Variants in ZNF143 observed in about 807,000 individuals in gnomAD.
ZNF143 encodes zinc finger protein 143.
In ZNF143, 49 loss-of-function variants were observed where a neutral mutation model predicts 74.1. The ratio of observed to expected loss-of-function variants is 0.66; its 90% CI spans 0.53 to 0.84. ZNF143 has a LOEUF of 0.84. Among genes scored for constraint, ZNF143 ranks in the 40% least tolerant of loss-of-function variants. ZNF143 has a pLI of 0.00. For synonymous variants in ZNF143, 304 were observed against 282.8 expected (o/e 1.07, Z -0.75); for missense variants, 637 against 793.4 (o/e 0.80, Z 2.37).
intron 5 of ZNF143, 123 bp downstream of exon 5, chr11:9,474,756 C>T (rs960770634): frequency 3.9e-6 from 4 of 1,036,816 alleles, no homozygotes; most frequent in Non-Finnish European, 5.6e-6. Context: ...CATTAAAGTA[C>T]AAGGTGGCAG....
At chr11:9,484,800 A>ATTTTTTTTT (rs1381085964) in intron 7 of ZNF143, among the ~76,000 whole-genome samples, 911 of 66,962 alleles carry the variant, frequency 0.014, 184 homozygotes, top group African/African-American at 0.059. Flanking sequence ...CTGGCCAAAG[A>ATTTTTTTTT]TTTTTTTTTT....
intron 5 of ZNF143, among the ~76,000 whole-genome samples, chr11:9,476,384 T>G (rs374397738): frequency 3.9e-5 from 6 of 152,160 alleles, no homozygotes; most frequent in Middle Eastern, 3.4e-3. Flanking sequence ...ATTAATTAAT[T>G]TATTATTTTG....
intron 11 of ZNF143, among the ~76,000 whole-genome samples, 181 bp from the exon 12 acceptor site, chr11:9,508,438 C>T (rs1406962826): frequency 6.6e-6 from 1 of 152,158 alleles, no homozygotes; most frequent in Non-Finnish European, 1.5e-5. Context: ...ATCATACTAC[C>T]TTTTGAGTCA....
chr11:9,484,605 G>GT lies in ZNF143; in HGVS notation c.645+5072dup, dbSNP rs35344229. Among the ~76,000 whole-genome samples, 899 of 135,462 alleles carry GT rather than the reference G, an allele frequency of 6.6e-3. 16 individuals are homozygous for GT. The highest frequency in any genetic ancestry group is 0.043 in the South Asian group (187 of 4,316). 88.9% of individuals were successfully genotyped at this position (135,462 alleles called of 152,430 possible). On this transcript the variant is annotated intron_variant, in intron 7 of 15. Coordinates refer to ENST00000396602, the MANE Select transcript of ZNF143 (RefSeq NM_003442.6). ...GTTATCTTAGGGGCAAAAGTTTGGTGTTTTTTTTTTTTTGTTTATTTTTTG... is the reference window on the plus strand; with the variant it reads ...GTTATCTTAGGGGCAAAAGTTTGGTGTTTTTTTTTTTTTTGTTTATTTTTTG...
At chr11:9,477,515 A>G (rs1443785753) in intron 5 of ZNF143, among the ~76,000 whole-genome samples, 1 of 152,148 alleles carries the variant, frequency 6.6e-6, no homozygotes, top group African/African-American at 2.4e-5. Context: ...TTGGCCTCCC[A>G]AAGTGTTGGG....
At chr11:9,503,963 T>TC (rs1308182937) in intron 11 of ZNF143, among the ~76,000 whole-genome samples, 5 of 131,912 alleles carry the variant, frequency 3.8e-5, no homozygotes, top group African/African-American at 1.4e-4. Context: ...TTTTTTTTTT[T>TC]TTTTTTTTTT....
chr11:9,490,291 T>TGA (rs1847720968), intron 7 of ZNF143, among the ~76,000 whole-genome samples: 1 of 134,792 alleles, frequency 7.4e-6, no homozygotes, highest in African/African-American at 2.8e-5. Context: ...TTTTTTTTTT[T>TGA]TGCTTTTTTT....
chr11:9,520,670 T>C (rs1186841183), intron 14 of ZNF143, among the ~76,000 whole-genome samples: 1 of 152,116 alleles, frequency 6.6e-6, no homozygotes, highest in African/African-American at 2.4e-5. Flanking sequence ...GCACCTTTAG[T>C]CCCAGCTACT....
intron 1 of ZNF143, among the ~76,000 whole-genome samples, chr11:9,465,082 G>A (rs1030321056): frequency 1.3e-5 from 2 of 152,156 alleles, no homozygotes; most frequent in African/African-American, 4.8e-5. Context: ...TAATTACAAT[G>A]CTGTAAAAAT....
intron 9 of ZNF143, among the ~76,000 whole-genome samples, chr11:9,496,980 C>T (rs536005178): frequency 6.6e-6 from 1 of 152,314 alleles, no homozygotes; most frequent in African/African-American, 2.4e-5. Flanking sequence ...TAAAGGCTGT[C>T]ATAGACTCTA....
intron 5 of ZNF143, among the ~76,000 whole-genome samples, chr11:9,475,662 A>G (rs563253627): frequency 1.3e-5 from 2 of 152,130 alleles, no homozygotes; most frequent in Non-Finnish European, 2.9e-5. Context: ...AGGCCGATGC[A>G]GGCGGATCAC....
chr11:9,471,207 T>G (rs1055331012), intron 1 of ZNF143, 95 bp from the exon 2 acceptor site: 2 of 1,034,908 alleles, frequency 1.9e-6, no homozygotes, highest in African/African-American at 3.2e-5. Flanking sequence ...CACCATTACA[T>G]CCTCAGCAGC....
intron 15 of ZNF143, among the ~76,000 whole-genome samples, chr11:9,527,011 G>A (rs1030541697): frequency 5.3e-5 from 8 of 152,030 alleles, no homozygotes; most frequent in Admixed American, 2.0e-4. Context: ...GTATTTTTTA[G>A]TAGAAATGAA....
chr11:9,474,536 G>A lies in ZNF143; in HGVS notation c.290-14G>A, dbSNP rs368603072. On this transcript the variant is annotated splice_polypyrimidine_tract_variant and intron_variant, in intron 4 of 15. Transcript: ENST00000396602. ...TAGAAAACATGAGATCTAAATGTAA[G>A]CATTGTTCTTGAGCAGGGGACAGTT... 8 of 1,613,802 alleles carry A rather than the reference G, an allele frequency of 5.0e-6. No individual in the cohort carries two copies. The highest frequency in any genetic ancestry group is 6.8e-6 in the Non-Finnish European group (8 of 1,179,838).
At chr11:9,461,637 C>T (rs1855858626) in intron 1 of ZNF143, 1 of 148,868 alleles carries the variant, frequency 6.7e-6, no homozygotes, top group African/African-American at 2.5e-5. Flanking sequence ...ACCCTTTCTT[C>T]TATTAAAAAA....
intron 7 of ZNF143, among the ~76,000 whole-genome samples, chr11:9,484,168 A>T (rs190755930): frequency 6.6e-6 from 1 of 151,416 alleles, no homozygotes; most frequent in Admixed American, 6.6e-5. Context: ...ACCGTATTTA[A>T]GGTTGAGAAC....
At chr11:9,524,982 G>A (rs1487695812) in intron 14 of ZNF143, among the ~76,000 whole-genome samples, 2 of 152,054 alleles carry the variant, frequency 1.3e-5, no homozygotes. Flanking sequence ...CATCTCCCTG[G>A]CTAATGGGGC....
intron 1 of ZNF143, among the ~76,000 whole-genome samples, chr11:9,462,618 A>T (rs1855934525): frequency 6.6e-6 from 1 of 152,102 alleles, no homozygotes; most frequent in African/African-American, 2.4e-5. Context: ...TCACACCTGT[A>T]ATCTCAGCAC....
At chr11:9,486,464 A>AATATATTATATATATATTATGTATATC (rs1847555223) in intron 7 of ZNF143, among the ~76,000 whole-genome samples, 1 of 86,328 alleles carries the variant, frequency 1.2e-5, no homozygotes, top group Non-Finnish European at 2.2e-5. Context: ...TTATATATAT[A>AATATATTATATATATATTATGTATATC]TAAAAGCCCT....
Sources: allele counts gnomAD v4.1 joint callset (sites outside exome capture counted in the v4.1 genomes callset), GRCh38; gene constraint gnomAD v4.1.1; transcripts MANE v1.5; gene names NCBI Gene and HGNC (gene_info 2026-07-23, HGNC 2026-07-21).